PLCH1: variants seen among roughly 807,000 people sequenced by gnomAD.
PLCH1 encodes 1-phosphatidylinositol 4,5-bisphosphate phosphodiesterase eta-1.
PLCH1 carries 60 observed loss-of-function variants against 126.7 expected under a neutral mutation model. That is an observed-to-expected ratio of 0.47 (90% CI 0.38 to 0.59). The LOEUF (loss-of-function observed/expected upper bound fraction) is 0.59, where lower values mean the gene tolerates loss of function less well. Among genes scored for constraint, PLCH1 ranks in the 20% least tolerant of loss-of-function variants. The pLI is 0.00. For missense variants in PLCH1, 1,723 were observed against 2,040.0 expected (o/e 0.84, Z 2.99); for synonymous variants, 719 against 734.9 (o/e 0.98, Z 0.35).
At chr3:155,489,525 C>G (rs533574826) in intron 19 of PLCH1, among the ~76,000 whole-genome samples, 1 of 152,178 alleles carries the variant, frequency 6.6e-6, no homozygotes, top group East Asian at 1.9e-4. Context: ...TGCCCAAGGC[C>G]ACACAAGGCC....
intron 2 of PLCH1, among the ~76,000 whole-genome samples, chr3:155,608,745 C>T (rs528243896): frequency 3.3e-5 from 5 of 152,284 alleles, no homozygotes; most frequent in South Asian, 2.1e-4. Context: ...CTGCCCCCAT[C>T]GGATGGTATT....
At position 155,494,448 on chromosome 3, in the gene PLCH1, T is replaced by C. The variant is rs1269838548; in HGVS notation, c.1964A>G (p.Gln655Arg). 6.2e-7 allele frequency: 1 copy of C among 1,613,754 alleles called. No homozygotes were observed. The highest frequency in any genetic ancestry group is 1.6e-4 in the Middle Eastern group (1 of 6,062). The change falls in exon 16 of 23, where the codon CAG becomes CGG. Residue 655 changes from glutamine (Q) to arginine (R), a missense_variant. Gln to Arg is a conservative substitution (Grantham distance 43). This residue lies in a region of PLCH1 where 776 missense variants were observed against 1,062.9 expected (regional missense o/e 0.73). Transcript: ENST00000460012. ...AHQVVQQKSEQFMIYNQKQLT... is the reference protein window; with the variant it reads ...AHQVVQQKSERFMIYNQKQLT... ...TTGCTTTTGATTATAAATCATGAAC[T>C]GCTCTGATTTTTGCTGAACAACCTG...
Position 155,631,851 on chromosome 3 carries a change from G to A in PLCH1, c.80-35473C>T, listed in dbSNP as rs564887967. 8.7e-5 allele frequency among the ~76,000 whole-genome samples: 13 copies of A among 149,932 alleles called. No individual in the cohort carries two copies. The South Asian group carries it at 2.3e-3, about 27-fold the overall frequency. Reference sequence around the variant, plus strand: ...AGCACCTGTGGACATTTAGGCACTAGTGGCCATTTAAATGCTCTTTCCCTA... The same window carrying A: ...AGCACCTGTGGACATTTAGGCACTAATGGCCATTTAAATGCTCTTTCCCTA... On this transcript the variant is annotated intron_variant, in intron 2 of 22. Transcript: ENST00000460012.
At chr3:155,643,439 A>C (rs886098547) in intron 2 of PLCH1, among the ~76,000 whole-genome samples, 1 of 152,206 alleles carries the variant, frequency 6.6e-6, no homozygotes, top group African/African-American at 2.4e-5. Flanking sequence ...CCTGAGATAG[A>C]ATCACCTAAC....
intron 6 of PLCH1, among the ~76,000 whole-genome samples, chr3:155,582,509 C>T (rs1320747861): frequency 6.6e-6 from 1 of 152,106 alleles, no homozygotes; most frequent in Admixed American, 6.6e-5. Flanking sequence ...AGTGTTCAAG[C>T]ACAAGCTGGC....
intron 9 of PLCH1, 35 bp from the exon 10 acceptor site, chr3:155,549,993 G>T: frequency 6.5e-6 from 10 of 1,547,296 alleles, no homozygotes; most frequent in Non-Finnish European, 8.8e-6. Flanking sequence ...GAGGCGTCAG[G>T]TGCAGGCAAC....
intron 2 of PLCH1, among the ~76,000 whole-genome samples, chr3:155,653,414 G>C (rs1740996767): frequency 6.6e-6 from 1 of 151,978 alleles, no homozygotes; most frequent in Non-Finnish European, 1.5e-5. Flanking sequence ...GGCTTTATTT[G>C]AACTGTCCAA....
chr3:155,474,441 G>A (rs1303076424), intron 21 of PLCH1, among the ~76,000 whole-genome samples: 2 of 147,476 alleles, frequency 1.4e-5, no homozygotes, highest in African/African-American at 2.5e-5. Flanking sequence ...GTGCTGGAGA[G>A]GATGTGGAGA....
chr3:155,642,856 C>T (rs1237788485), intron 2 of PLCH1, among the ~76,000 whole-genome samples: 1 of 152,130 alleles, frequency 6.6e-6, no homozygotes, highest in African/African-American at 2.4e-5. Flanking sequence ...GTCTATGTAA[C>T]CAATGGAGTA....
intron 2 of PLCH1, among the ~76,000 whole-genome samples, chr3:155,696,760 G>C (rs1577334284): frequency 6.6e-6 from 1 of 152,102 alleles, no homozygotes; most frequent in Non-Finnish European, 1.5e-5. Flanking sequence ...TTGCCAATTA[G>C]AAAATTGGTA....
chr3:155,615,880 T>C (rs2108752026), intron 2 of PLCH1, among the ~76,000 whole-genome samples: 1 of 152,242 alleles, frequency 6.6e-6, no homozygotes, highest in East Asian at 1.9e-4. Context: ...CTTACACATG[T>C]AACCAAAAAC....
At chr3:155,506,006 G>C (rs576372911) in intron 12 of PLCH1, among the ~76,000 whole-genome samples, 1 of 151,868 alleles carries the variant, frequency 6.6e-6, no homozygotes, top group South Asian at 2.1e-4. Flanking sequence ...AGAATAAAAT[G>C]GGATACTTTT....
At chr3:155,721,116 T>C (rs1180868551) in intron 1 of PLCH1, among the ~76,000 whole-genome samples, 2 of 152,262 alleles carry the variant, frequency 1.3e-5, no homozygotes, top group African/African-American at 2.4e-5. Flanking sequence ...TTGGTGACTA[T>C]GGCCTTGTAG....
chr3:155,738,538 CT>C (rs1749371366), intron 1 of PLCH1, among the ~76,000 whole-genome samples: 1 of 151,996 alleles, frequency 6.6e-6, no homozygotes, highest in Non-Finnish European at 1.5e-5. Flanking sequence ...AATTCCAGCA[CT>C]GCGGGAGGCC....
chr3:155,743,611 G>T (rs1341287534), intron 1 of PLCH1: 7 of 436,012 alleles, frequency 1.6e-5, no homozygotes, highest in Admixed American at 8.4e-5. Flanking sequence ...ATTCTCTGCA[G>T]AAGACTTTAA....
chr3:155,732,874 T>C (rs111906605), intron 1 of PLCH1, among the ~76,000 whole-genome samples: 9,325 of 63,494 alleles, frequency 0.15, 516 homozygotes, highest in African/African-American at 0.24. Flanking sequence ...TGAGACTGCA[T>C]CTCAAAAAAA....
At chr3:155,521,642 T>A (rs1721120070) in intron 11 of PLCH1, among the ~76,000 whole-genome samples, 1 of 152,236 alleles carries the variant, frequency 6.6e-6, no homozygotes, top group African/African-American at 2.4e-5. Flanking sequence ...TCAGGGAATT[T>A]ATTATAAATT....
intron 22 of PLCH1, among the ~76,000 whole-genome samples, chr3:155,484,325 T>C (rs991858769): frequency 6.6e-6 from 1 of 152,224 alleles, no homozygotes; most frequent in Non-Finnish European, 1.5e-5. Flanking sequence ...TAAAATACAT[T>C]TTAAGGCACA....
At chr3:155,655,483 A>G (rs1741254664) in intron 2 of PLCH1, among the ~76,000 whole-genome samples, 1 of 152,010 alleles carries the variant, frequency 6.6e-6, no homozygotes, top group African/African-American at 2.4e-5. Flanking sequence ...TTTAGTCGCT[A>G]TTTGTGTTTC....
Sources: gnomAD v4.1 joint callset for allele counts (sites outside exome capture counted in the v4.1 genomes callset) on GRCh38, gnomAD v4.1.1 for gene constraint, gnomAD v4.1.1 regional missense constraint, MANE v1.5 for transcripts, NCBI Gene and HGNC (gene_info 2026-07-23, HGNC 2026-07-21) for gene names.